The following KATNBL1 variants were observed in gnomAD, a reference collection of about 807,000 sequenced individuals.
KATNBL1 encodes the protein katanin regulatory subunit B1 like 1.
In KATNBL1, 28 loss-of-function variants were observed where a neutral mutation model predicts 44.7. The ratio of observed to expected loss-of-function variants is 0.63; its 90% CI spans 0.46 to 0.86. The LOEUF (loss-of-function observed/expected upper bound fraction) is 0.86, where lower values mean the gene tolerates loss of function less well. Ranked by LOEUF, KATNBL1 falls within the 40% of genes least tolerant of loss-of-function variation. KATNBL1 has a pLI of 0.00. For missense variants in KATNBL1, 272 were observed against 350.7 expected, an observed-to-expected ratio of 0.78 and a Z score of 1.79; for synonymous variants, 78 against 114.9, an observed-to-expected ratio of 0.68 and a Z score of 2.06.
In KATNBL1 at chr15:34,168,232, G is replaced by A. The variant is rs556464954; in HGVS notation, c.-14-4542C>T. ...AGATACACACAGGTTCAAAATAAAG[G>A]GATGGAGGAAGATCTTCCAAGTAAA... On this transcript the variant is annotated intron_variant, in intron 1 of 9. Transcript: ENST00000256544. Among the ~76,000 whole-genome samples the A allele has an allele frequency of 2.0e-5, 3 of 152,134 alleles. No homozygotes were observed. In the East Asian group the frequency reaches 5.8e-4, roughly 29 times the overall value.
chr15:34,184,086 G>A (rs941973518), intron 1 of KATNBL1, among the ~76,000 whole-genome samples: 7 of 152,112 alleles, frequency 4.6e-5, no homozygotes, highest in South Asian at 2.1e-4. Context: ...GGTGGATTAC[G>A]AGGTCAGGAG....
At chr15:34,148,480 C>T (rs1597424681) in intron 5 of KATNBL1, 152 bp downstream of exon 5, 10 of 541,596 alleles carry the variant, frequency 1.8e-5, no homozygotes, top group South Asian at 1.1e-4. Context: ...CTCAGCTACT[C>T]AGGAGGCTGA....
chr15:34,175,492 T>G (rs1889302118), intron 1 of KATNBL1, among the ~76,000 whole-genome samples: 1 of 152,234 alleles, frequency 6.6e-6, no homozygotes, highest in African/African-American at 2.4e-5. Context: ...GTCTGCACCC[T>G]TTCATATGGG....
intron 3 of KATNBL1, 28 bp downstream of exon 3, chr15:34,154,616 T>TC (rs1308410864): frequency 1.4e-6 from 2 of 1,436,538 alleles, no homozygotes; most frequent in Non-Finnish European, 2.0e-6. Context: ...TATTTGTTGT[T>TC]CCCCACAAAC....
chr15:34,202,728 C>T (rs547858755), intron 1 of KATNBL1, among the ~76,000 whole-genome samples: 63 of 152,248 alleles, frequency 4.1e-4, no homozygotes, highest in Non-Finnish European at 7.4e-4. Flanking sequence ...CGGTGGTTCA[C>T]GCCTGTAATC....
intron 7 of KATNBL1, 105 bp from the exon 8 acceptor site, chr15:34,146,955 T>C (rs1888328214): frequency 1.4e-6 from 1 of 734,580 alleles, no homozygotes; most frequent in Non-Finnish European, 2.3e-6. Flanking sequence ...CATTGGTCCC[T>C]TCCCTTTTAA....
intron 1 of KATNBL1, chr15:34,208,574 GCTAAGA>G (rs1890352902): frequency 6.6e-6 from 1 of 152,206 alleles, no homozygotes; most frequent in African/African-American, 2.4e-5. Context: ...TACATAAGTT[GCTAAGA>G]CTAACACTTT....
intron 1 of KATNBL1, among the ~76,000 whole-genome samples, chr15:34,172,407 T>G (rs535605346): frequency 2.0e-5 from 3 of 151,902 alleles, no homozygotes; most frequent in East Asian, 3.9e-4. Flanking sequence ...CGGGCTCCCG[T>G]CACCATGCCT....
chr15:34,153,721 C>A (rs1888553078), intron 3 of KATNBL1, among the ~76,000 whole-genome samples: 1 of 152,096 alleles, frequency 6.6e-6, no homozygotes, highest in African/African-American at 2.4e-5. Flanking sequence ...CAGTCGCGCG[C>A]CACCATGCTG....
chr15:34,202,148 A>G (rs1429265251), intron 1 of KATNBL1, among the ~76,000 whole-genome samples: 1 of 152,154 alleles, frequency 6.6e-6, no homozygotes, highest in African/African-American at 2.4e-5. Flanking sequence ...ATCATTTTTG[A>G]CCCTTGTTTG....
At chr15:34,185,385 AG>A (rs1279667743) in intron 1 of KATNBL1, among the ~76,000 whole-genome samples, 1 of 152,250 alleles carries the variant, frequency 6.6e-6, no homozygotes, top group East Asian at 1.9e-4. Context: ...GAAGGCCTAA[AG>A]GTAAGATATG....
chr15:34,206,502 T>A (rs1335057203), intron 1 of KATNBL1, among the ~76,000 whole-genome samples: 1 of 152,082 alleles, frequency 6.6e-6, no homozygotes, highest in Non-Finnish European at 1.5e-5. Flanking sequence ...CAAAGAAAAG[T>A]CAAATTACGC....
chr15:34,204,127 T>C (rs1377712026), intron 1 of KATNBL1, among the ~76,000 whole-genome samples: 1 of 151,824 alleles, frequency 6.6e-6, no homozygotes, highest in Non-Finnish European at 1.5e-5. Context: ...AAGACTCCCC[T>C]GTCCACATTG....
intron 1 of KATNBL1, among the ~76,000 whole-genome samples, chr15:34,205,063 G>A (rs1384872731): frequency 6.7e-6 from 1 of 150,236 alleles, no homozygotes; most frequent in East Asian, 2.0e-4. Flanking sequence ...GTGCAATATC[G>A]GCTCACTGCA....
intron 1 of KATNBL1, among the ~76,000 whole-genome samples, chr15:34,182,192 G>C (rs1273237080): frequency 6.6e-6 from 1 of 151,958 alleles, no homozygotes; most frequent in African/African-American, 2.4e-5. Flanking sequence ...GAGATTAAGG[G>C]CTGAATGTAT....
intron 4 of KATNBL1, among the ~76,000 whole-genome samples, chr15:34,150,978 T>C (rs1888451608): frequency 1.3e-5 from 2 of 152,226 alleles, no homozygotes; most frequent in South Asian, 4.1e-4. Flanking sequence ...CCATGGTGTA[T>C]ATGCACCATA....
chr15:34,194,105 C>G (rs1440467355), intron 1 of KATNBL1, among the ~76,000 whole-genome samples: 1 of 151,946 alleles, frequency 6.6e-6, no homozygotes, highest in African/African-American at 2.4e-5. Context: ...CCATGCCTGG[C>G]TTATTTTTGT....
intron 1 of KATNBL1, among the ~76,000 whole-genome samples, chr15:34,177,386 T>C (rs751825216): frequency 3.3e-5 from 5 of 152,100 alleles, no homozygotes; most frequent in South Asian, 2.1e-4. Flanking sequence ...GGCTCACACA[T>C]GTAATCCCAG....
intron 1 of KATNBL1, among the ~76,000 whole-genome samples, chr15:34,176,489 G>A (rs1047067477): frequency 1.3e-5 from 2 of 152,140 alleles, no homozygotes; most frequent in Admixed American, 1.3e-4. Flanking sequence ...AAATGAAAAT[G>A]TCTATAAAAA....
Sources: allele counts gnomAD v4.1 joint callset (sites outside exome capture counted in the v4.1 genomes callset), GRCh38; gene constraint gnomAD v4.1.1; transcripts MANE v1.5; gene names NCBI Gene and HGNC (gene_info 2026-07-23, HGNC 2026-07-21).